Variants in LAMA2 observed in about 807,000 individuals in gnomAD.
LAMA2 encodes the protein laminin subunit alpha-2.
LAMA2 carries 269 observed loss-of-function variants against 364.8 expected under a neutral mutation model. The ratio of observed to expected loss-of-function variants is 0.74; its 90% CI spans 0.67 to 0.82. The LOEUF is 0.82. LAMA2 is among the 40% of genes least tolerant of loss of function. The probability of loss-of-function intolerance (pLI) is 0.00; values close to 1 mark genes in which losing one functional copy is unlikely to be tolerated. For missense variants in LAMA2, 3,807 were observed against 3,873.2 expected (o/e 0.98, Z 0.45); for synonymous variants, 1,379 against 1,370.6 (o/e 1.01, Z -0.14).
At chr6:129,052,813 A>AT (rs1158371738) in intron 2 of LAMA2, among the ~76,000 whole-genome samples, 13 of 151,664 alleles carry the variant, frequency 8.6e-5, no homozygotes, top group African/African-American at 2.9e-4. Flanking sequence ...CACAATTTAC[A>AT]TTTTTTATCC....
rs1176585644 is a variant in LAMA2 at position 129,515,037 on chromosome 6, A to AGAGT, written c.9211+443_9211+446dup. Among the ~76,000 whole-genome samples the AGAGT allele has an allele frequency of 7.9e-5, 12 of 152,324 alleles. No homozygotes were observed. In the East Asian group the frequency reaches 2.1e-3, roughly 27 times the overall value. On this transcript the variant is annotated intron_variant, in intron 64 of 64. Coordinates refer to ENST00000421865, the MANE Select transcript of LAMA2 (RefSeq NM_000426.4). Reference sequence around the variant, plus strand: ...GCTAATTTCCCCCTTATGTTATTATAGAGTTTATATTTATATTACAAAGAA... The same window carrying AGAGT: ...GCTAATTTCCCCCTTATGTTATTATAGAGTGAGTTTATATTTATATTACAAAGAA...
intron 28 of LAMA2, among the ~76,000 whole-genome samples, chr6:129,321,639 C>T (rs1583489684): frequency 6.6e-6 from 1 of 152,268 alleles, no homozygotes; most frequent in East Asian, 1.9e-4. Flanking sequence ...AAGGATTCAT[C>T]ACAGCACCTG....
chr6:129,344,816 T>G (rs1217907671), intron 30 of LAMA2, among the ~76,000 whole-genome samples: 2 of 152,122 alleles, frequency 1.3e-5, no homozygotes, highest in African/African-American at 4.8e-5. Flanking sequence ...GGAGACCCAA[T>G]GAATATGGTG....
At position 129,503,275 on chromosome 6, in the gene LAMA2, CA is replaced by C. The variant is rs1785794892; in HGVS notation, c.8543del (p.His2848ProfsTer5). 1.2e-6 allele frequency: 2 copies of C among 1,613,112 alleles called. No homozygotes were observed. The highest frequency in any genetic ancestry group is 1.7e-6 in the Non-Finnish European group (2 of 1,179,480). On this transcript the variant is annotated frameshift_variant, in exon 60 of 65. Coordinates refer to ENST00000421865, the MANE Select transcript of LAMA2 (RefSeq NM_000426.4). LOFTEE classifies it high-confidence loss of function. Reference sequence around the variant, plus strand: ...CACCAAAATCAATGATGGCCAGTGGCACAAGGTAATAGTCCCCTGGATATTG... The same window carrying C: ...CACCAAAATCAATGATGGCCAGTGGCCAAGGTAATAGTCCCCTGGATATTG... ...IPTKINDGQW[H>X]KIKIMRSKQE...
intron 10 of LAMA2, among the ~76,000 whole-genome samples, chr6:129,180,448 C>T (rs936785420): frequency 1.3e-5 from 2 of 151,948 alleles, no homozygotes; most frequent in Non-Finnish European, 2.9e-5. Flanking sequence ...TATACTATAA[C>T]ATATGAGTTT....
At chr6:129,488,622 G>A (rs2017299) in intron 56 of LAMA2, among the ~76,000 whole-genome samples, 96,082 of 152,046 alleles carry the variant, frequency 0.63, 31,366 homozygotes, top group Non-Finnish European at 0.72. Context: ...CCATATAAAC[G>A]AACAGTTTTG....
intron 12 of LAMA2, among the ~76,000 whole-genome samples, chr6:129,226,022 A>G (rs1000754803): frequency 6.6e-6 from 1 of 152,142 alleles, no homozygotes; most frequent in Non-Finnish European, 1.5e-5. Context: ...GTGCTCCTGT[A>G]TTGGGTGCAT....
At position 129,287,838 on chromosome 6, in the gene LAMA2, T is replaced by C. The variant is rs1271029350; in HGVS notation, c.2538-9T>C. 17 of 1,612,704 alleles carry C rather than the reference T, an allele frequency of 1.1e-5. No individual in the cohort carries two copies. Among genetic ancestry groups the C allele is most frequent in the Non-Finnish European group, 3.4e-6 (4 of 1,178,960 alleles). On this transcript the variant is annotated splice_polypyrimidine_tract_variant and intron_variant, in intron 18 of 64. Transcript: ENST00000421865. ...CCCAAAGGCTCACTGATGAAATTTCTTGCCTTAGGTGTGCAGAAGGCTATT... is the reference window on the plus strand; with the variant it reads ...CCCAAAGGCTCACTGATGAAATTTCCTGCCTTAGGTGTGCAGAAGGCTATT...
chr6:128,962,337 A>G (rs958092680), intron 1 of LAMA2, among the ~76,000 whole-genome samples: 2 of 151,526 alleles, frequency 1.3e-5, no homozygotes, highest in African/African-American at 2.4e-5. Flanking sequence ...CAAACAGAAT[A>G]TGATATTACT....
intron 43 of LAMA2, 191 bp from the exon 44 acceptor site, chr6:129,442,872 G>C: frequency 3.6e-6 from 2 of 560,890 alleles, no homozygotes; most frequent in South Asian, 2.5e-5. Context: ...ACAAATAGTG[G>C]CCACTAAATT....
intron 12 of LAMA2, among the ~76,000 whole-genome samples, chr6:129,206,944 C>T (rs1373319071): frequency 6.6e-6 from 1 of 152,206 alleles, no homozygotes; most frequent in East Asian, 1.9e-4. Context: ...ACTGTCTCTT[C>T]AATGAGTTGT....
chr6:129,438,624 T>TTTTTTTG (rs754736471), intron 41 of LAMA2, 22 bp from the exon 42 acceptor site: 1 of 1,213,608 alleles, frequency 8.2e-7, no homozygotes, highest in Non-Finnish European at 1.2e-6. Context: ...ATTTAATCCT[T>TTTTTTTG]TTTTTTGTTT....
In LAMA2 at chr6:129,287,877, T is replaced by G. The variant is rs752650421; in HGVS notation, c.2568T>G (p.Ser856=). 2 of 1,614,018 alleles carry G rather than the reference T, an allele frequency of 1.2e-6. No homozygotes were observed. The highest frequency in any genetic ancestry group is 1.7e-6 in the Non-Finnish European group (2 of 1,179,888). Residue 856 remains serine (S), a synonymous_variant, in exon 19 of 65, where the codon TCT becomes TCG. Transcript: ENST00000421865. ...CAGAAGGCTATTTTGGACAACCCTC[T>G]GTACCTGGAGGATCATGTCAGCCAT... ...RCAEGYFGQP[S]VPGGSCQPCQ...
chr6:129,166,124 T>C (rs903106247), intron 9 of LAMA2, among the ~76,000 whole-genome samples: 9 of 152,116 alleles, frequency 5.9e-5, no homozygotes, highest in Admixed American at 2.6e-4. Context: ...GGCAATAATA[T>C]AGAAAGCAAG....
At chr6:128,986,019 C>T (rs986578965) in intron 1 of LAMA2, among the ~76,000 whole-genome samples, 1 of 151,984 alleles carries the variant, frequency 6.6e-6, no homozygotes, top group African/African-American at 2.4e-5. Flanking sequence ...TTTTATTTCC[C>T]AGTTTTTAGA....
intron 1 of LAMA2, among the ~76,000 whole-genome samples, chr6:128,885,827 A>T (rs1011142227): frequency 6.6e-6 from 1 of 152,204 alleles, no homozygotes; most frequent in Admixed American, 6.5e-5. Context: ...ACTCGATTGT[A>T]GTATGAATAG....
At chr6:129,184,444 CT>C (rs1022434847) in intron 10 of LAMA2, among the ~76,000 whole-genome samples, 3 of 151,912 alleles carry the variant, frequency 2.0e-5, no homozygotes, top group African/African-American at 7.2e-5. Flanking sequence ...GGAAAGTCTT[CT>C]CTGAGTCCTC....
At chr6:129,474,832 G>A (rs1270110993) in intron 52 of LAMA2, among the ~76,000 whole-genome samples, 1 of 152,088 alleles carries the variant, frequency 6.6e-6, no homozygotes, top group Non-Finnish European at 1.5e-5. Context: ...TCATGATACA[G>A]CATTGCATAA....
At position 129,492,320 on chromosome 6, in the gene LAMA2, T is replaced by C. The variant is rs1784911933; in HGVS notation, c.8081T>C (p.Met2694Thr). 3.7e-6 allele frequency: 6 copies of C among 1,614,010 alleles called. No individual in the cohort carries two copies. The highest frequency in any genetic ancestry group is 5.1e-6 in the Non-Finnish European group (6 of 1,179,862). Residue 2694 changes from methionine (M) to threonine (T), a missense_variant, in exon 58 of 65, where the codon ATG becomes ACG. Met to Thr is a moderately conservative substitution (Grantham distance 81). Around this residue, in one of 3 missense-constraint regions of LAMA2, gnomAD observed 3,333 missense variants for 3,345.7 expected, o/e 1.00. Transcript: ENST00000421865. ...TATTTATTACATTCTATTAGCCCCATGGACTTTGCAAGGCCTGTGTCCTTC... is the reference window on the plus strand; with the variant it reads ...TATTTATTACATTCTATTAGCCCCACGGACTTTGCAAGGCCTGTGTCCTTC... ...IWNLVINSVP[M>T]DFARPVSFKN...
Sources: allele counts gnomAD v4.1 joint callset (sites outside exome capture counted in the v4.1 genomes callset), GRCh38; gene constraint gnomAD v4.1.1; regional missense constraint gnomAD v4.1.1; transcripts MANE v1.5; gene names NCBI Gene and HGNC (gene_info 2026-07-23, HGNC 2026-07-21).